Variants in PPFIA2 observed in about 807,000 individuals in gnomAD.
The protein encoded by PPFIA2 is PPFI scaffold protein A2.
A neutral mutation model predicts 175.5 loss-of-function variants in PPFIA2; 46 were observed. The ratio of observed to expected loss-of-function variants is 0.26; its 90% CI spans 0.21 to 0.34. PPFIA2 has a LOEUF of 0.34. Ranked by LOEUF, PPFIA2 falls within the 10% of genes least tolerant of loss-of-function variation. The pLI is 1.00. For synonymous variants in PPFIA2, 568 were observed against 511.4 expected (o/e 1.11, Z -1.49); for missense variants, 1,179 against 1,506.1 (o/e 0.78, Z 3.60).
At chr12:81,567,005 A>G (rs147384326) in intron 4 of PPFIA2, among the ~76,000 whole-genome samples, 9 of 152,322 alleles carry the variant, frequency 5.9e-5, no homozygotes, top group African/African-American at 1.7e-4. Context: ...AAAATATGTA[A>G]TTGTTGTATA....
Position 81,748,796 on chromosome 12 carries a change from C to T in PPFIA2, c.249+5177G>A, listed in dbSNP as rs1382987856. Among the ~76,000 whole-genome samples, 2 of 144,062 alleles carry T rather than the reference C, an allele frequency of 1.4e-5. 1 individual carries two copies. The highest frequency in any genetic ancestry group is 3.1e-5 in the Non-Finnish European group (2 of 64,338). The allele number at this position is 144,062 out of a possible 152,430, so 94.5% of individuals were successfully genotyped here. A position where few individuals can be genotyped will look rare whatever the true frequency, so the allele number is the denominator to read the frequency against. On this transcript the variant is annotated intron_variant, in intron 3 of 32. Coordinates refer to ENST00000549396, the MANE Select transcript of PPFIA2 (RefSeq NM_003625.5). The stretch of plus-strand genomic sequence containing the variant: ...GAATATTATGTAATCCATCCAAAAT[C>T]AAGATTGTAAAATAATTTTTCTTCA...
chr12:81,330,480 T>C (rs887293179), intron 21 of PPFIA2, among the ~76,000 whole-genome samples: 7 of 152,236 alleles, frequency 4.6e-5, no homozygotes, highest in African/African-American at 1.7e-4. Flanking sequence ...CACAATGCTC[T>C]ATTCCTAAAT....
intron 4 of PPFIA2, among the ~76,000 whole-genome samples, chr12:81,613,487 A>G (rs1210946423): frequency 6.6e-6 from 1 of 152,136 alleles, no homozygotes; most frequent in Non-Finnish European, 1.5e-5. Flanking sequence ...TCCTGACTCA[A>G]TAAAATATTT....
chr12:81,739,956 A>C (rs1190888288), intron 3 of PPFIA2, among the ~76,000 whole-genome samples: 1 of 152,148 alleles, frequency 6.6e-6, no homozygotes, highest in Non-Finnish European at 1.5e-5. Context: ...CTTGCCTGGA[A>C]GACAACCTGG....
chr12:81,633,703 G>C (rs756022126), intron 4 of PPFIA2, among the ~76,000 whole-genome samples: 17 of 152,062 alleles, frequency 1.1e-4, no homozygotes, highest in Non-Finnish European at 2.2e-4. Flanking sequence ...CATTTATATA[G>C]TGAAAATTGG....
intron 4 of PPFIA2, among the ~76,000 whole-genome samples, chr12:81,633,563 A>G (rs2063642860): frequency 6.6e-6 from 1 of 151,974 alleles, no homozygotes. Flanking sequence ...ATACCCAAAG[A>G]GGCAACTTCT....
chr12:81,356,554 T>G (rs531621286), intron 16 of PPFIA2, among the ~76,000 whole-genome samples: 1 of 152,132 alleles, frequency 6.6e-6, no homozygotes, highest in Non-Finnish European at 1.5e-5. Flanking sequence ...TCCCAGCTAC[T>G]TGGGAGGCTG....
intron 3 of PPFIA2, among the ~76,000 whole-genome samples, chr12:81,724,499 C>A (rs1379259095): frequency 1.3e-5 from 2 of 150,822 alleles, no homozygotes; most frequent in African/African-American, 4.8e-5. Context: ...CTTTCTGAGT[C>A]TCCAGTGTTT....
At chr12:81,527,914 A>G (rs1441550986) in intron 4 of PPFIA2, among the ~76,000 whole-genome samples, 1 of 152,060 alleles carries the variant, frequency 6.6e-6, no homozygotes, top group Non-Finnish European at 1.5e-5. Flanking sequence ...TGACACTTTG[A>G]TCTTGGACTT....
chr12:81,670,562 C>T (rs985819423), intron 4 of PPFIA2, among the ~76,000 whole-genome samples: 5 of 151,894 alleles, frequency 3.3e-5, no homozygotes, highest in Non-Finnish European at 7.4e-5. Flanking sequence ...GTGCCTCAAT[C>T]CCATCTCCTC....
intron 6 of PPFIA2, among the ~76,000 whole-genome samples, chr12:81,444,555 A>G (rs1403342419): frequency 6.6e-6 from 1 of 152,142 alleles, no homozygotes; most frequent in East Asian, 1.9e-4. Flanking sequence ...TCTCGTTGCT[A>G]AAATAAAAAT....
In PPFIA2 at chr12:81,398,007, A is replaced by G. The variant is rs142453741; in HGVS notation, c.762+7780T>C. On this transcript the variant is annotated intron_variant, in intron 8 of 32. Coordinates refer to ENST00000549396, the MANE Select transcript of PPFIA2 (RefSeq NM_003625.5). The stretch of plus-strand genomic sequence containing the variant: ...GAAAACAAGCTCAGAGCTCCCACTG[A>G]TTCTACATTATGGTGAGTTGTATAA... Among the ~76,000 whole-genome samples, 294 of 152,034 alleles carry G rather than the reference A, an allele frequency of 1.9e-3. 2 individuals are homozygous for G. The highest frequency in any genetic ancestry group is 6.8e-3 in the African/African-American group (281 of 41,466).
chr12:81,513,845 A>T (rs1043534047), intron 4 of PPFIA2, among the ~76,000 whole-genome samples: 1 of 151,998 alleles, frequency 6.6e-6, no homozygotes, highest in Admixed American at 6.6e-5. Context: ...GCAAATTATG[A>T]AGTGAATCCA....
At chr12:81,331,726 C>T (rs2056165876) in intron 21 of PPFIA2, among the ~76,000 whole-genome samples, 1 of 152,074 alleles carries the variant, frequency 6.6e-6, no homozygotes, top group African/African-American at 2.4e-5. Context: ...AGTTAACGTG[C>T]TTTTCTGTTT....
At chr12:81,419,295 GATGTTTGCAACATCAGTCTGAA>G (rs1454943572) in intron 7 of PPFIA2, among the ~76,000 whole-genome samples, 2 of 151,904 alleles carry the variant, frequency 1.3e-5, no homozygotes, top group Non-Finnish European at 2.9e-5. Context: ...ATAAAGTAAT[GATGTTTGCAACATCAGTCTGAA>G]ATGTTATTCA....
At chr12:81,302,592 G>T in intron 22 of PPFIA2, 1 of 389,956 alleles carries the variant, frequency 2.6e-6, no homozygotes. Flanking sequence ...CTGTCTTAGG[G>T]CTGACATACT....
intron 4 of PPFIA2, among the ~76,000 whole-genome samples, chr12:81,638,729 C>T (rs2064483095): frequency 7.5e-6 from 1 of 132,524 alleles, no homozygotes; most frequent in Admixed American, 8.1e-5. Flanking sequence ...GCTCTGTCGC[C>T]CAGGCTGGAG....
At chr12:81,620,159 CAA>C (rs376856927) in intron 4 of PPFIA2, among the ~76,000 whole-genome samples, 1 of 54,602 alleles carries the variant, frequency 1.8e-5, no homozygotes, top group Non-Finnish European at 3.1e-5. Flanking sequence ...CACTCCTTCT[CAA>C]AAAAAAAAAA....
chr12:81,676,911 A>G (rs2072630096), intron 3 of PPFIA2, 67 bp from the exon 4 acceptor site: 7 of 1,168,078 alleles, frequency 6.0e-6, no homozygotes, highest in Non-Finnish European at 7.1e-6. Flanking sequence ...CCAGTCCCAC[A>G]GTGTAATAAT....
Sources: allele counts gnomAD v4.1 joint callset (sites outside exome capture counted in the v4.1 genomes callset), GRCh38; gene constraint gnomAD v4.1.1; transcripts MANE v1.5; gene names NCBI Gene and HGNC (gene_info 2026-07-23, HGNC 2026-07-21).